The following CUL3 variants were observed in gnomAD, a reference collection of about 807,000 sequenced individuals.
The protein encoded by CUL3 is cullin-3.
Under a neutral mutation model 89.1 loss-of-function variants are expected in CUL3, and 19 were observed. The observed-to-expected ratio is 0.21, with a 90% CI of 0.15 to 0.31. The LOEUF is 0.31. CUL3 is among the 10% of genes least tolerant of loss of function. The probability of loss-of-function intolerance (pLI) is 1.00; values close to 1 mark genes in which losing one functional copy is unlikely to be tolerated. For missense variants in CUL3, 469 were observed against 942.3 expected (o/e 0.50, Z 6.58); for synonymous variants, 351 against 308.4 (o/e 1.14, Z -1.45).
rs769420232 is a variant in CUL3 at position 224,474,374 on chromosome 2, T to C, written c.2178A>G (p.Val726=). The change falls in exon 16 of 16, where the codon GTA becomes GTG. Residue 726 remains valine, a splice_region_variant and synonymous_variant. Coordinates refer to ENST00000264414, the MANE Select transcript of CUL3 (RefSeq NM_003590.5). ...KMQHNVLVAE[V]TQQLKARFLP... ...AGAATCGCGCCTTCAACTGCTGAGT[T>C]ACCTAAAAAAGAAAGTAGATAGTAT... The C allele has an allele frequency of 6.2e-7, 1 of 1,612,024 alleles. No homozygotes were observed. The highest frequency in any genetic ancestry group is 8.5e-7 in the Non-Finnish European group (1 of 1,179,238).
At chr2:224,488,766 G>A (rs931377008) in intron 13 of CUL3, among the ~76,000 whole-genome samples, 3 of 152,110 alleles carry the variant, frequency 2.0e-5, no homozygotes, top group African/African-American at 7.2e-5. Flanking sequence ...ATTTTATGAG[G>A]CCAGCATCAT....
At chr2:224,550,450 A>G (rs1351595938) in intron 2 of CUL3, among the ~76,000 whole-genome samples, 1 of 152,178 alleles carries the variant, frequency 6.6e-6, no homozygotes, top group East Asian at 1.9e-4. Flanking sequence ...GGGATGTTCA[A>G]CCTGTACCAT....
intron 3 of CUL3, among the ~76,000 whole-genome samples, chr2:224,533,509 C>T (rs1264716535): frequency 6.6e-6 from 1 of 151,846 alleles, no homozygotes; most frequent in Non-Finnish European, 1.5e-5. Flanking sequence ...TGAAACAAAA[C>T]ACACTTTAAA....
chr2:224,579,867 A>C (rs1695394237), intron 1 of CUL3, among the ~76,000 whole-genome samples: 1 of 152,260 alleles, frequency 6.6e-6, no homozygotes, highest in Non-Finnish European at 1.5e-5. Context: ...AGGAAAGGAC[A>C]GCATTTTCAT....
At chr2:224,577,859 A>G (rs191467509) in intron 1 of CUL3, among the ~76,000 whole-genome samples, 2 of 152,192 alleles carry the variant, frequency 1.3e-5, no homozygotes, top group East Asian at 3.8e-4. Flanking sequence ...AGTTAAACGG[A>G]TACAACCTTG....
In CUL3 at chr2:224,478,256, T is replaced by C. The variant is rs555939671; in HGVS notation, c.2119A>G (p.Ile707Val). Residue 707 changes from isoleucine (I) to valine (V), a missense_variant, in exon 15 of 16, where the codon ATA becomes GTA. Physicochemically the swap from Ile to Val is conservative, Grantham distance 29 (BLOSUM62 3). Transcript: ENST00000264414. ...TTTCTAGATTTCATTATCCGCACTA[T>C]AGCAGCTTCTATCTCATGTTTTCTG... ...DDRKHEIEAA[I>V]VRIMKSRKKM... 1.4e-5 allele frequency: 22 copies of C among 1,613,788 alleles called. No homozygotes were observed. Among genetic ancestry groups the C allele is most frequent in the East Asian group, 2.2e-5 (1 of 44,846 alleles).
chr2:224,539,859 T>C (rs1694031934), intron 2 of CUL3, among the ~76,000 whole-genome samples: 1 of 151,966 alleles, frequency 6.6e-6, no homozygotes, highest in South Asian at 2.1e-4. Flanking sequence ...AGTGAATATA[T>C]GTCCAAAACC....
Position 224,546,457 on chromosome 2 carries a change from GA to G in CUL3, c.265-10817del, listed in dbSNP as rs143880314. ...AGGGAGAGGTATTACCCCACACAGA[GA>G]AAAAAAAAATGGATCTCAGCTATTT... is the stretch of plus-strand genomic sequence containing the variant. On this transcript the variant is annotated intron_variant, in intron 2 of 15. Transcript: ENST00000264414. 7.4e-5 allele frequency among the ~76,000 whole-genome samples: 11 copies of G among 148,234 alleles called. No homozygotes were observed. In the South Asian group the frequency reaches 1.3e-3, roughly 17 times the overall value.
intron 3 of CUL3, among the ~76,000 whole-genome samples, chr2:224,530,443 A>C (rs1379801706): frequency 1.4e-5 from 2 of 145,510 alleles, no homozygotes; most frequent in African/African-American, 2.5e-5. Context: ...AAAGTCTTAC[A>C]AAAAAAAAAG....
chr2:224,526,658 C>CTTCATGT lies in CUL3; in HGVS notation c.378+8863_378+8869dup, dbSNP rs919450469. On this transcript the variant is annotated intron_variant, in intron 3 of 15. Transcript: ENST00000264414. ...GCTCTATTTCTGACCACAGGGTCTA[C>CTTCATGT]TTCATGTTAGGCAGTGTAAACACTG... Among the ~76,000 whole-genome samples the CTTCATGT allele has an allele frequency of 2.9e-4, 42 of 145,616 alleles. 2 individuals are homozygous for CTTCATGT. Among genetic ancestry groups the CTTCATGT allele is most frequent in the Admixed American group, 4.1e-4 (6 of 14,610 alleles).
Position 224,476,654 on chromosome 2 carries a change from G to C in CUL3, c.2175+1546C>G, listed in dbSNP as rs572068724. On this transcript the variant is annotated intron_variant, in intron 15 of 15. Transcript: ENST00000264414. Reference sequence around the variant, plus strand: ...CCCTGCACCCTGCCCTAGGTTCTCAGGAAGAGGCATGTTCAGTAACATCTG... The same window carrying C: ...CCCTGCACCCTGCCCTAGGTTCTCACGAAGAGGCATGTTCAGTAACATCTG... Among the ~76,000 whole-genome samples the C allele has an allele frequency of 9.2e-5, 14 of 152,270 alleles. No homozygotes were observed. The East Asian group carries it at 1.2e-3, about 13-fold the overall frequency.
At position 224,472,946 on chromosome 2, in the gene CUL3, C is replaced by T. The variant is rs1003145714; in HGVS notation, c.*1299G>A. The T allele has an allele frequency of 4.8e-6, 1 of 209,560 alleles. No homozygotes were observed. The highest frequency in any genetic ancestry group is 1.9e-4 in the South Asian group (1 of 5,298). 13.0% of individuals were successfully genotyped at this position (209,560 alleles called of 1,614,324 possible). On this transcript the variant is annotated 3_prime_UTR_variant, in exon 16 of 16. Transcript: ENST00000264414. ...CAACAGAAATCTATAGTGGTTTGCC[C>T]CATTACATATCTGAAACATTGTCTT...
At chr2:224,538,185 T>G (rs1440809898) in intron 2 of CUL3, among the ~76,000 whole-genome samples, 6 of 152,160 alleles carry the variant, frequency 3.9e-5, no homozygotes, top group African/African-American at 1.4e-4. Context: ...CTGAAAGAAG[T>G]AAAATGAATG....
intron 1 of CUL3, among the ~76,000 whole-genome samples, chr2:224,577,364 C>T (rs1031301456): frequency 5.9e-5 from 9 of 152,032 alleles, no homozygotes; most frequent in Non-Finnish European, 1.3e-4. Flanking sequence ...GTCAGGAGAT[C>T]GAGATCATCC....
intron 2 of CUL3, among the ~76,000 whole-genome samples, chr2:224,545,756 A>C (rs751199330): frequency 6.6e-5 from 10 of 152,160 alleles, no homozygotes; most frequent in Non-Finnish European, 1.2e-4. Context: ...CATTCAAATG[A>C]CCTCAATACA....
intron 1 of CUL3, among the ~76,000 whole-genome samples, chr2:224,567,107 T>C (rs1695060407): frequency 6.6e-6 from 1 of 152,180 alleles, no homozygotes; most frequent in South Asian, 2.1e-4. Flanking sequence ...GTTTACAGTT[T>C]TCCACTAAAC....
At chr2:224,491,123 G>C (rs571825673) in intron 13 of CUL3, among the ~76,000 whole-genome samples, 1 of 152,166 alleles carries the variant, frequency 6.6e-6, no homozygotes, top group Admixed American at 6.5e-5. Flanking sequence ...GCATTTTCTG[G>C]TCCAGATGAA....
rs1692223333 is a variant in CUL3 at position 224,497,844 on chromosome 2, T to A, written c.1616A>T (p.Tyr539Phe). ...CTGTCGACCACTGTGTTTGGCTAAG[T>A]AGAACCTTCAGTAAATCAAACCAGG... ...RHAFEIFRRF[Y>F]LAKHSGRQLT... The change falls in exon 12 of 16, where the codon TAC (tyrosine) becomes TTC (phenylalanine). Residue 539 changes from tyrosine (Y) to phenylalanine (F), a missense_variant. By Grantham distance (22) the Tyr-to-Phe change is conservative (BLOSUM62 3). Transcript: ENST00000264414. The A allele has an allele frequency of 1.2e-6, 2 of 1,613,074 alleles. No homozygotes were observed. The highest frequency in any genetic ancestry group is 8.5e-7 in the Non-Finnish European group (1 of 1,179,232).
chr2:224,510,934 C>T (rs1559153874), intron 6 of CUL3, among the ~76,000 whole-genome samples: 1 of 152,076 alleles, frequency 6.6e-6, no homozygotes, highest in African/African-American at 2.4e-5. Flanking sequence ...ACAACTAAAT[C>T]CCAAAGGAAA....
Sources: gnomAD v4.1 joint callset for allele counts (sites outside exome capture counted in the v4.1 genomes callset) on GRCh38, gnomAD v4.1.1 for gene constraint, MANE v1.5 for transcripts, NCBI Gene and HGNC (gene_info 2026-07-23, HGNC 2026-07-21) for gene names.